PCDHA5: variants seen among roughly 807,000 people sequenced by gnomAD.
PCDHA5 encodes protocadherin alpha-5.
PCDHA5 carries 43 observed loss-of-function variants against 61.6 expected under a neutral mutation model. That is an observed-to-expected ratio of 0.70 (90% CI 0.55 to 0.90). PCDHA5 has a LOEUF of 0.90. Among genes scored for constraint, PCDHA5 ranks in the 40% least tolerant of loss-of-function variants. The probability of loss-of-function intolerance (pLI) is 0.00; values close to 1 mark genes in which losing one functional copy is unlikely to be tolerated. For synonymous variants in PCDHA5, 627 were observed against 543.9 expected, an observed-to-expected ratio of 1.15 and a Z score of -2.13; for missense variants, 1,298 against 1,222.7, an observed-to-expected ratio of 1.06 and a Z score of -0.92.
intron 1 of PCDHA5, chr5:140,835,765 C>T: frequency 1.9e-6 from 3 of 1,613,356 alleles, no homozygotes; most frequent in Non-Finnish European, 2.5e-6. Context: ...CCCGAGTATA[C>T]GGTGTTCGTG....
intron 1 of PCDHA5, chr5:140,883,404 C>A: frequency 6.2e-7 from 1 of 1,614,222 alleles, no homozygotes; most frequent in Non-Finnish European, 8.5e-7. Context: ...GATCGTGACT[C>A]TGGCTCAAAT....
chr5:140,888,287 C>T (rs1371852276), intron 1 of PCDHA5, among the ~76,000 whole-genome samples: 1 of 152,072 alleles, frequency 6.6e-6, no homozygotes, highest in African/African-American at 2.4e-5. Flanking sequence ...CCCCTCTACC[C>T]CCTACCCAGG....
intron 1 of PCDHA5, chr5:140,864,855 T>G (rs1173322611): frequency 1.3e-5 from 2 of 152,178 alleles, no homozygotes; most frequent in African/African-American, 4.8e-5. Flanking sequence ...CCATACATGA[T>G]GAAGGGTGAT....
At chr5:140,938,870 A>C (rs560302282) in intron 1 of PCDHA5, among the ~76,000 whole-genome samples, 1 of 152,264 alleles carries the variant, frequency 6.6e-6, no homozygotes, top group South Asian at 2.1e-4. Flanking sequence ...TTAAAAGTTA[A>C]GAAGCAACAC....
chr5:140,904,139 A>G lies in PCDHA5; in HGVS notation c.2353-74810A>G, dbSNP rs557435150. On this transcript the variant is annotated intron_variant, in intron 1 of 3. Coordinates refer to ENST00000529859, the MANE Select transcript of PCDHA5 (RefSeq NM_018908.3). ...ATTTTGGTGCACCCATCACCCGAGCAGTATACATTGCACCCAGTTTGTAGT... is the reference window on the plus strand; with the variant it reads ...ATTTTGGTGCACCCATCACCCGAGCGGTATACATTGCACCCAGTTTGTAGT... Among the ~76,000 whole-genome samples, 4 of 152,286 alleles carry G rather than the reference A, an allele frequency of 2.6e-5. No homozygotes were observed. The East Asian group carries it at 7.7e-4, about 29-fold the overall frequency.
chr5:140,821,785 T>G lies in PCDHA5; in HGVS notation c.10T>G (p.Ser4Ala). 6.2e-7 allele frequency: 1 copy of G among 1,611,178 alleles called. No homozygotes were observed. The highest frequency in any genetic ancestry group is 2.2e-5 in the East Asian group (1 of 44,878). The change falls in exon 1 of 4, where the codon TCC (serine) becomes GCC (alanine). Residue 4 changes from serine (S) to alanine (A), a missense_variant. Ser to Ala is a moderately conservative substitution (Grantham distance 99, BLOSUM62 1). Transcript: ENST00000529859. ...TTGGAACGAGATTGAGATGGTATAT[T>G]CCCGGAGAGGAAGTCTGGGATCCCG... Reference protein sequence around the residue: MVYSRRGSLGSRLL... With the variant: MVYARRGSLGSRLL...
At chr5:140,831,306 T>C (rs183127470) in intron 1 of PCDHA5, 1 of 152,292 alleles carries the variant, frequency 6.6e-6, no homozygotes, top group Non-Finnish European at 1.5e-5. Flanking sequence ...ATCTATTTCT[T>C]TGTATTAGTG....
chr5:140,835,805 C>T (rs2150245230), intron 1 of PCDHA5: 3 of 1,613,062 alleles, frequency 1.9e-6, no homozygotes, highest in Non-Finnish European at 2.5e-6. Context: ...GCTGCCACAT[C>T]TTCACTGTGT....
At chr5:140,952,993 C>G (rs1273513255) in intron 1 of PCDHA5, among the ~76,000 whole-genome samples, 1 of 152,106 alleles carries the variant, frequency 6.6e-6, no homozygotes, top group Non-Finnish European at 1.5e-5. Flanking sequence ...CTCATGAGAA[C>G]TCTCTCACTA....
chr5:140,941,202 C>CCTTCCTTTCTTTCTTTCTTT lies in PCDHA5; in HGVS notation c.2353-37744_2353-37743insCCTTTCTTTCTTTCTTTCTT, dbSNP rs1554213920. 2.0e-4 allele frequency among the ~76,000 whole-genome samples: 24 copies of CCTTCCTTTCTTTCTTTCTTT among 122,828 alleles called. 1 individual carries two copies. Among genetic ancestry groups the CCTTCCTTTCTTTCTTTCTTT allele is most frequent in the Non-Finnish European group, 2.3e-4 (13 of 55,838 alleles). The allele number at this position is 122,828 out of a possible 152,430, so 80.6% of individuals were successfully genotyped here. A position where few individuals can be genotyped will look rare whatever the true frequency, so the allele number is the denominator to read the frequency against. ...TCCTGCTTCTTTTTTTTTCTTTCTTCCTTTCTTTCTTCCTTTCTTTCTTTC... is the reference window on the plus strand; with the variant it reads ...TCCTGCTTCTTTTTTTTTCTTTCTTCCTTCCTTTCTTTCTTTCTTTCTTTCTTTCTTCCTTTCTTTCTTTC... On this transcript the variant is annotated intron_variant, in intron 1 of 3. Coordinates refer to ENST00000529859, the MANE Select transcript of PCDHA5 (RefSeq NM_018908.3).
intron 1 of PCDHA5, chr5:140,857,965 T>C: frequency 6.3e-7 from 1 of 1,597,084 alleles, no homozygotes; most frequent in Non-Finnish European, 8.6e-7. Context: ...TGGATGAGAC[T>C]GACTCGCCAC....
At position 140,870,607 on chromosome 5, in the gene PCDHA5, G is replaced by T. The variant is rs782060261; in HGVS notation, c.2352+46480G>T. 15 of 1,613,098 alleles carry T rather than the reference G, an allele frequency of 9.3e-6. No individual in the cohort carries two copies. The Middle Eastern group carries it at 5.1e-4, about 55-fold the overall frequency. ...GGTGGAGCGGCGGTTGGGCGACCGCGCGCTGTCGAGCTACGTGTCGGTGCA... is the reference window on the plus strand; with the variant it reads ...GGTGGAGCGGCGGTTGGGCGACCGCTCGCTGTCGAGCTACGTGTCGGTGCA... On this transcript the variant is annotated intron_variant, in intron 1 of 3. Transcript: ENST00000529859.
chr5:140,823,089 C>T lies in PCDHA5; in HGVS notation c.1314C>T (p.Ala438=). Residue 438 remains alanine, a synonymous_variant, in exon 1 of 4, where the codon GCC becomes GCT. Transcript: ENST00000529859. The part of the protein sequence containing the change: ...DGGSPSLWAT[A]SVSVEVADVN... ...GCTCGCCTTCGCTGTGGGCCACCGC[C>T]AGCGTGTCTGTGGAAGTGGCCGACG... is the stretch of plus-strand genomic sequence containing the variant. 6.2e-7 allele frequency: 1 copy of T among 1,614,036 alleles called. No homozygotes were observed. The highest frequency in any genetic ancestry group is 8.5e-7 in the Non-Finnish European group (1 of 1,179,996).
chr5:140,830,098 G>T, intron 1 of PCDHA5: 1 of 1,613,644 alleles, frequency 6.2e-7, no homozygotes, highest in African/African-American at 1.3e-5. Flanking sequence ...TGGTGTCGCT[G>T]GTGGAGAGTG....
At chr5:140,996,752 GT>G (rs1406262736) in intron 3 of PCDHA5, among the ~76,000 whole-genome samples, 2 of 152,208 alleles carry the variant, frequency 1.3e-5, no homozygotes, top group East Asian at 3.9e-4. Flanking sequence ...AATTATATCT[GT>G]GCAGGACTAA....
intron 1 of PCDHA5, among the ~76,000 whole-genome samples, chr5:140,947,749 T>TC (rs1316656181): frequency 6.6e-6 from 1 of 151,628 alleles, no homozygotes; most frequent in Non-Finnish European, 1.5e-5. Flanking sequence ...TCTTATGTAT[T>TC]TTATGGTTTA....
intron 3 of PCDHA5, among the ~76,000 whole-genome samples, chr5:140,996,686 T>G (rs1447702915): frequency 2.6e-5 from 4 of 152,214 alleles, no homozygotes; most frequent in Non-Finnish European, 5.9e-5. Flanking sequence ...TGGGCTAGTA[T>G]TCTTCTGAAC....
intron 1 of PCDHA5, among the ~76,000 whole-genome samples, chr5:140,911,977 T>G (rs1554195068): frequency 1.3e-5 from 2 of 152,180 alleles, no homozygotes; most frequent in African/African-American, 4.8e-5. Context: ...TTAACTCACA[T>G]GATCACAAGG....
At chr5:140,967,815 A>G in intron 1 of PCDHA5, 1 of 1,614,180 alleles carries the variant, frequency 6.2e-7, no homozygotes. Context: ...GGTCACTGCA[A>G]GGTGCTGGTG....
Sources: allele counts gnomAD v4.1 joint callset (sites outside exome capture counted in the v4.1 genomes callset), GRCh38; gene constraint gnomAD v4.1.1; transcripts MANE v1.5; gene names NCBI Gene and HGNC (gene_info 2026-07-23, HGNC 2026-07-21).